The following FSHR variants were observed in gnomAD, a reference collection of about 807,000 sequenced individuals.
FSHR encodes follicle-stimulating hormone receptor.
A neutral mutation model predicts 52.1 loss-of-function variants in FSHR; 46 were observed. The ratio of observed to expected loss-of-function variants is 0.88; its 90% CI spans 0.70 to 1.13. The LOEUF is 1.13. Among genes scored for constraint, FSHR ranks in the 50% most tolerant of loss-of-function variants. The pLI is 0.00. For synonymous variants in FSHR, 399 were observed against 309.6 expected, an observed-to-expected ratio of 1.29 and a Z score of -3.03; for missense variants, 964 against 834.6, an observed-to-expected ratio of 1.16 and a Z score of -1.91.
intron 2 of FSHR, among the ~76,000 whole-genome samples, chr2:49,030,460 C>T (rs1380172478): frequency 6.6e-6 from 1 of 152,104 alleles, no homozygotes; most frequent in Non-Finnish European, 1.5e-5. Flanking sequence ...TGCTTCCAGC[C>T]TCTGTTTTCA....
chr2:49,145,761 T>C (rs11686783), intron 1 of FSHR, among the ~76,000 whole-genome samples: 20,824 of 152,060 alleles, frequency 0.14, 1,471 homozygotes, highest in East Asian at 0.23. Flanking sequence ...GATTGTTTTC[T>C]CTCCAGTGCC....
At chr2:48,993,175 G>C (rs1675862869) in intron 4 of FSHR, among the ~76,000 whole-genome samples, 1 of 151,896 alleles carries the variant, frequency 6.6e-6, no homozygotes, top group Non-Finnish European at 1.5e-5. Context: ...ATTTTAAGTA[G>C]CATCAATATT....
chr2:49,093,244 C>T (rs1275031217), intron 1 of FSHR, among the ~76,000 whole-genome samples: 1 of 152,102 alleles, frequency 6.6e-6, no homozygotes, highest in Non-Finnish European at 1.5e-5. Context: ...TCTTCTGTAT[C>T]CTTACTGACT....
chr2:48,974,088 G>A (rs1031428216), intron 8 of FSHR, among the ~76,000 whole-genome samples: 1 of 152,224 alleles, frequency 6.6e-6, no homozygotes, highest in African/African-American at 2.4e-5. Flanking sequence ...TCTAAGGGGA[G>A]ATGAATGAAA....
chr2:49,117,404 A>G (rs1036011282), intron 1 of FSHR, among the ~76,000 whole-genome samples: 15 of 152,226 alleles, frequency 9.9e-5, no homozygotes, highest in Admixed American at 7.9e-4. Flanking sequence ...TCAGGATAAT[A>G]ATAGTGTACT....
At chr2:48,998,585 A>G (rs2104134685) in intron 4 of FSHR, among the ~76,000 whole-genome samples, 1 of 152,166 alleles carries the variant, frequency 6.6e-6, no homozygotes, top group Non-Finnish European at 1.5e-5. Flanking sequence ...AGGGAAAAAA[A>G]TATACTAGCT....
intron 2 of FSHR, among the ~76,000 whole-genome samples, chr2:49,027,114 T>A (rs1052374228): frequency 1.3e-5 from 2 of 152,230 alleles, no homozygotes; most frequent in African/African-American, 4.8e-5. Context: ...CCTAAGTTTT[T>A]AATTCTGCTG....
intron 2 of FSHR, among the ~76,000 whole-genome samples, chr2:49,025,523 T>C (rs1398923263): frequency 6.6e-6 from 1 of 152,184 alleles, no homozygotes; most frequent in African/African-American, 2.4e-5. Flanking sequence ...AAGTGTAATA[T>C]GCATATAATA....
At chr2:49,029,996 C>T (rs1296371241) in intron 2 of FSHR, among the ~76,000 whole-genome samples, 1 of 152,194 alleles carries the variant, frequency 6.6e-6, no homozygotes, top group Non-Finnish European at 1.5e-5. Flanking sequence ...GGGCTCCATG[C>T]CGCATCCTTC....
At chr2:49,109,904 T>C (rs1349120149) in intron 1 of FSHR, among the ~76,000 whole-genome samples, 1 of 152,114 alleles carries the variant, frequency 6.6e-6, no homozygotes, top group Admixed American at 6.5e-5. Flanking sequence ...TCTGTTTTGA[T>C]GGGACTAGAG....
intron 2 of FSHR, among the ~76,000 whole-genome samples, chr2:49,022,400 C>T (rs1188358059): frequency 6.6e-6 from 1 of 151,982 alleles, no homozygotes; most frequent in Middle Eastern, 3.2e-3. Context: ...TGCCTTTGGC[C>T]AGACGAGGGT....
intron 2 of FSHR, among the ~76,000 whole-genome samples, chr2:49,032,699 C>G (rs1365260902): frequency 1.3e-5 from 2 of 152,116 alleles, no homozygotes; most frequent in African/African-American, 4.8e-5. Context: ...GTGATTTACC[C>G]AAGGCCACAC....
At chr2:49,017,628 T>A in intron 3 of FSHR, 65 bp from the exon 4 acceptor site, 5 of 1,156,566 alleles carry the variant, frequency 4.3e-6, no homozygotes, top group Non-Finnish European at 5.2e-6. Context: ...ATTTTTCACA[T>A]TTTACAGAGT....
chr2:49,035,886 T>C (rs189351376), intron 2 of FSHR, among the ~76,000 whole-genome samples: 1 of 152,352 alleles, frequency 6.6e-6, no homozygotes, highest in East Asian at 1.9e-4. Flanking sequence ...AGTAGAGCTG[T>C]AGATAGGTAT....
chr2:48,979,904 G>A (rs1362628032), intron 8 of FSHR, among the ~76,000 whole-genome samples: 1 of 152,126 alleles, frequency 6.6e-6, no homozygotes, highest in Non-Finnish European at 1.5e-5. Context: ...GGTCTGAATA[G>A]CCTACGCATA....
At chr2:49,115,271 C>G (rs1206775077) in intron 1 of FSHR, among the ~76,000 whole-genome samples, 3 of 151,872 alleles carry the variant, frequency 2.0e-5, no homozygotes, top group African/African-American at 7.3e-5. Context: ...AACACAAACT[C>G]CGAACACAGC....
chr2:49,007,199 A>G (rs1667103053), intron 4 of FSHR, among the ~76,000 whole-genome samples: 1 of 152,082 alleles, frequency 6.6e-6, no homozygotes, highest in Non-Finnish European at 1.5e-5. Flanking sequence ...ATAGAGAAGT[A>G]AACATAGCTA....
rs1378136992 is a variant in FSHR at position 49,001,209 on chromosome 2, T to C, written c.375-10572A>G. ...GACACCATTGTAAATGCCTTGCCTG[T>C]ATTAAAGTCATTTAACGCTGCCCAT... On this transcript the variant is annotated intron_variant, in intron 4 of 9. Transcript: ENST00000406846. Among the ~76,000 whole-genome samples the C allele has an allele frequency of 2.6e-5, 4 of 152,246 alleles. No individual in the cohort carries two copies. In the East Asian group the frequency reaches 7.7e-4, roughly 29 times the overall value.
At chr2:49,111,179 A>C (rs1671408201) in intron 1 of FSHR, among the ~76,000 whole-genome samples, 2 of 152,104 alleles carry the variant, frequency 1.3e-5, no homozygotes, top group Admixed American at 1.3e-4. Flanking sequence ...TGTTGGAGAG[A>C]ATGGCAGCCC....
Sources: gnomAD v4.1 joint callset for allele counts (sites outside exome capture counted in the v4.1 genomes callset) on GRCh38, gnomAD v4.1.1 for gene constraint, MANE v1.5 for transcripts, NCBI Gene and HGNC (gene_info 2026-07-23, HGNC 2026-07-21) for gene names.